Variants in PHKB observed in about 807,000 individuals in gnomAD.
PHKB encodes the protein phosphorylase kinase regulatory subunit beta, also known as phosphorylase b kinase regulatory subunit beta.
A neutral mutation model predicts 152.1 loss-of-function variants in PHKB; 122 were observed. That is an observed-to-expected ratio of 0.80 (90% confidence interval 0.69 to 0.93). The LOEUF is 0.93. Among genes scored for constraint, PHKB ranks in the 40% least tolerant of loss-of-function variants. The pLI is 0.00. For missense variants in PHKB, 1,304 were observed against 1,328.4 expected (o/e 0.98, Z 0.29); for synonymous variants, 436 against 464.9 (o/e 0.94, Z 0.80).
At chr16:47,531,447 AC>A (rs1970860394) in intron 6 of PHKB, among the ~76,000 whole-genome samples, 1 of 152,166 alleles carries the variant, frequency 6.6e-6, no homozygotes, top group South Asian at 2.1e-4. Context: ...GTGTGTGTTT[AC>A]ATCCCTTGAT....
At chr16:47,502,894 A>C in intron 3 of PHKB, 97 bp from the exon 4 acceptor site, 1 of 778,496 alleles carries the variant, frequency 1.3e-6, no homozygotes, top group South Asian at 1.5e-5. Context: ...ACCAGAACAC[A>C]GGATTAGCCA....
At chr16:47,468,900 T>G (rs527916543) in intron 1 of PHKB, among the ~76,000 whole-genome samples, 2 of 152,312 alleles carry the variant, frequency 1.3e-5, no homozygotes, top group African/African-American at 4.8e-5. Context: ...ATACTGCTGT[T>G]TGGGTAGCTT....
chr16:47,581,837 G>A (rs1197540457), intron 8 of PHKB, among the ~76,000 whole-genome samples: 2 of 151,976 alleles, frequency 1.3e-5, no homozygotes, highest in Non-Finnish European at 2.9e-5. Context: ...CTGCCACCAC[G>A]CCCGGCTAAT....
chr16:47,577,135 T>C (rs952823055), intron 7 of PHKB, among the ~76,000 whole-genome samples: 2 of 152,138 alleles, frequency 1.3e-5, no homozygotes, highest in Non-Finnish European at 2.9e-5. Context: ...ACTTAAAGAT[T>C]TTTTTAAAAT....
chr16:47,563,738 C>T (rs964408855), intron 7 of PHKB, among the ~76,000 whole-genome samples: 2 of 151,970 alleles, frequency 1.3e-5, no homozygotes, highest in African/African-American at 2.4e-5. Flanking sequence ...GAAGTCTGGG[C>T]GTTAAGGGTA....
At chr16:47,536,644 T>G (rs755312729) in intron 6 of PHKB, among the ~76,000 whole-genome samples, 9 of 152,238 alleles carry the variant, frequency 5.9e-5, no homozygotes, top group Admixed American at 2.6e-4. Flanking sequence ...TGCAGTAAGA[T>G]GTATACATAT....
chr16:47,563,855 G>A (rs1971517999), intron 7 of PHKB, among the ~76,000 whole-genome samples: 1 of 152,032 alleles, frequency 6.6e-6, no homozygotes, highest in African/African-American at 2.4e-5. Flanking sequence ...ATACCATTCT[G>A]TATGCCTTTG....
intron 28 of PHKB, among the ~76,000 whole-genome samples, chr16:47,694,940 C>G (rs1176891504): frequency 6.6e-6 from 1 of 152,188 alleles, no homozygotes; most frequent in Non-Finnish European, 1.5e-5. Flanking sequence ...AACAATAAGA[C>G]AATAAATACA....
intron 1 of PHKB, among the ~76,000 whole-genome samples, chr16:47,470,489 C>T (rs1171387966): frequency 2.0e-5 from 3 of 152,228 alleles, no homozygotes; most frequent in East Asian, 1.9e-4. Context: ...TTATGGCCAT[C>T]ATGAACGTAT....
At chr16:47,577,718 G>A (rs1485449998) in intron 7 of PHKB, among the ~76,000 whole-genome samples, 5 of 152,122 alleles carry the variant, frequency 3.3e-5, no homozygotes, top group Admixed American at 6.5e-5. Context: ...TAAACAATCC[G>A]TTGTCATTCT....
chr16:47,539,330 A>G (rs931798720), intron 6 of PHKB, among the ~76,000 whole-genome samples: 10 of 152,134 alleles, frequency 6.6e-5, no homozygotes, highest in Non-Finnish European at 1.5e-4. Flanking sequence ...GGTTGACCCA[A>G]CATGGAACTG....
intron 28 of PHKB, 112 bp from the exon 29 acceptor site, chr16:47,696,269 C>T: frequency 2.8e-6 from 2 of 725,272 alleles, no homozygotes; most frequent in Non-Finnish European, 5.1e-6. Context: ...AAATGTTCTC[C>T]AAGGTTTTAT....
intron 8 of PHKB, among the ~76,000 whole-genome samples, chr16:47,587,423 A>C (rs1476424838): frequency 6.6e-6 from 1 of 152,182 alleles, no homozygotes; most frequent in Non-Finnish European, 1.5e-5. Flanking sequence ...GTACATTTTG[A>C]TTTATAAGAA....
At chr16:47,682,484 ACTTCT>A (rs1366326561) in intron 26 of PHKB, among the ~76,000 whole-genome samples, 2 of 151,692 alleles carry the variant, frequency 1.3e-5, no homozygotes, top group Admixed American at 6.6e-5. Context: ...TTTTCTCTAA[ACTTCT>A]CTTCTCGCTT....
chr16:47,595,442 T>G (rs909191390), intron 12 of PHKB, among the ~76,000 whole-genome samples: 4 of 152,228 alleles, frequency 2.6e-5, no homozygotes, highest in Non-Finnish European at 4.4e-5. Context: ...TATTTTCCCA[T>G]TATATCATCC....
chr16:47,501,331 G>A (rs187492466), intron 3 of PHKB, among the ~76,000 whole-genome samples: 81 of 152,234 alleles, frequency 5.3e-4, no homozygotes, highest in South Asian at 1.0e-3. Flanking sequence ...TAAGTATGAG[G>A]ATGGCTAGAC....
intron 27 of PHKB, among the ~76,000 whole-genome samples, chr16:47,690,231 C>T (rs891112328): frequency 1.3e-5 from 2 of 152,274 alleles, no homozygotes; most frequent in South Asian, 4.1e-4. Context: ...GATATAATCA[C>T]ACCTGTAGTT....
intron 6 of PHKB, among the ~76,000 whole-genome samples, chr16:47,526,991 A>T (rs1472005807): frequency 2.6e-5 from 4 of 152,162 alleles, no homozygotes; most frequent in Non-Finnish European, 5.9e-5. Context: ...GAGCAGGAGC[A>T]AGAGGGAGTG....
intron 30 of PHKB, 191 bp from the exon 31 acceptor site, chr16:47,699,038 A>C (rs187136730): frequency 1.6e-6 from 1 of 613,592 alleles, no homozygotes; most frequent in Non-Finnish European, 2.9e-6. Flanking sequence ...AACAAAGGAG[A>C]GAATACTAAA....
Sources: gnomAD v4.1 joint callset for allele counts (sites outside exome capture counted in the v4.1 genomes callset) on GRCh38, gnomAD v4.1.1 for gene constraint, MANE v1.5 for transcripts, NCBI Gene and HGNC (gene_info 2026-07-23, HGNC 2026-07-21) for gene names.